The following PCDHA3 variants were observed in gnomAD, a reference collection of about 807,000 sequenced individuals.
PCDHA3 encodes the protein protocadherin alpha 3, also known as protocadherin alpha-3.
A neutral mutation model predicts 62.2 loss-of-function variants in PCDHA3; 41 were observed. That is an observed-to-expected ratio of 0.66 (90% confidence interval 0.51 to 0.86). The LOEUF is 0.86. Among genes scored for constraint, PCDHA3 ranks in the 40% least tolerant of loss-of-function variants. The pLI is 0.00. For synonymous variants in PCDHA3, 640 were observed against 555.4 expected, an observed-to-expected ratio of 1.15 and a Z score of -2.14; for missense variants, 1,304 against 1,241.2, an observed-to-expected ratio of 1.05 and a Z score of -0.76.
intron 1 of PCDHA3, among the ~76,000 whole-genome samples, chr5:140,880,576 A>G (rs1274181037): frequency 6.6e-6 from 1 of 152,216 alleles, no homozygotes; most frequent in African/African-American, 2.4e-5. Flanking sequence ...ATTTGAGAAG[A>G]GAGGAAAGAG....
At chr5:141,006,483 G>T (rs1351534173) in intron 3 of PCDHA3, among the ~76,000 whole-genome samples, 1 of 152,126 alleles carries the variant, frequency 6.6e-6, no homozygotes, top group Non-Finnish European at 1.5e-5. Context: ...AAAGTGCTGG[G>T]ATTACATGTG....
Position 140,803,371 on chromosome 5 carries a change from C to T in PCDHA3, c.2174C>T (p.Ala725Val), listed in dbSNP as rs781949159. 1 of 1,614,202 alleles carries T rather than the reference C, an allele frequency of 6.2e-7. No homozygotes were observed. Among genetic ancestry groups the T allele is most frequent in the Non-Finnish European group, 8.5e-7 (1 of 1,180,028 alleles). ...CTATATACTGCTCTGCGGTGCTCCG[C>T]GCCGCCAACCGAAGGCGACTGTGGG... ...LLLYTALRCS[A>V]PPTEGDCGPG... Residue 725 changes from alanine to valine, a missense_variant, in exon 1 of 4, where the codon GCG becomes GTG. Ala to Val is a moderately conservative substitution (Grantham distance 64, BLOSUM62 0). Coordinates refer to ENST00000522353, the MANE Select transcript of PCDHA3 (RefSeq NM_018906.3).
chr5:140,942,769 T>A (rs1554215212), intron 1 of PCDHA3, among the ~76,000 whole-genome samples: 1 of 152,202 alleles, frequency 6.6e-6, no homozygotes, highest in Non-Finnish European at 1.5e-5. Flanking sequence ...GCATAATGTA[T>A]TTTTAGGCAG....
chr5:140,925,124 A>AGGAAGGAAGGAAGGAAGGAAGG, intron 1 of PCDHA3, among the ~76,000 whole-genome samples: 1 of 151,856 alleles, frequency 6.6e-6, no homozygotes, highest in South Asian at 2.1e-4. Flanking sequence ...GAAGGAAGGA[A>AGGAAGGAAGGAAGGAAGGAAGG]AAAAAATTTC....
intron 1 of PCDHA3, among the ~76,000 whole-genome samples, chr5:140,907,765 T>C (rs901037519): frequency 8.5e-5 from 13 of 152,144 alleles, no homozygotes; most frequent in African/African-American, 3.1e-4. Flanking sequence ...GCCCATTGGG[T>C]GATGACAGGG....
intron 1 of PCDHA3, chr5:140,841,306 G>A (rs2150313155): frequency 3.8e-6 from 6 of 1,579,894 alleles, no homozygotes; most frequent in South Asian, 3.5e-5. Context: ...TTTCTGATAG[G>A]AAACGACTAT....
intron 1 of PCDHA3, chr5:140,810,322 A>G (rs1368356791): frequency 2.0e-5 from 3 of 152,202 alleles, no homozygotes; most frequent in South Asian, 2.1e-4. Flanking sequence ...ATGCCCATGT[A>G]CACAGATTTC....
chr5:140,917,937 T>C (rs2078442259), intron 1 of PCDHA3, among the ~76,000 whole-genome samples: 1 of 152,186 alleles, frequency 6.6e-6, no homozygotes, highest in Non-Finnish European at 1.5e-5. Flanking sequence ...AAAAATAATA[T>C]TGGTAGTTTG....
intron 1 of PCDHA3, chr5:140,968,755 A>G: frequency 6.2e-7 from 1 of 1,614,200 alleles, no homozygotes. Flanking sequence ...TGGTGGTCCG[A>G]GATAATGGAG....
intron 3 of PCDHA3, among the ~76,000 whole-genome samples, chr5:140,992,437 T>G (rs1554252912): frequency 6.6e-6 from 1 of 151,938 alleles, no homozygotes; most frequent in African/African-American, 2.4e-5. Context: ...GTTCCAAGAG[T>G]TGGGAGCAGG....
In PCDHA3 at chr5:141,011,970, C is replaced by T. The variant is rs975637071; in HGVS notation, c.*2033C>T. ...AGCATTAAATTTAAAAAAAAACTGT[C>T]TTGTCTACTTTTAGCTTCATTCTCC... On this transcript the variant is annotated 3_prime_UTR_variant, in exon 4 of 4. Coordinates refer to ENST00000522353, the MANE Select transcript of PCDHA3 (RefSeq NM_018906.3). 6.5e-6 allele frequency: 1 copy of T among 153,576 alleles called. No homozygotes were observed. Among genetic ancestry groups the T allele is most frequent in the African/African-American group, 2.4e-5 (1 of 41,406 alleles). The allele number at this position is 153,576 out of a possible 1,614,324, so 9.5% of individuals were successfully genotyped here.
intron 1 of PCDHA3, among the ~76,000 whole-genome samples, chr5:140,893,701 C>A (rs1297465606): frequency 6.6e-6 from 1 of 152,104 alleles, no homozygotes; most frequent in African/African-American, 2.4e-5. Context: ...TCTATCCTAG[C>A]CTGTAAAGCT....
chr5:140,942,448 A>C (rs140426253), intron 1 of PCDHA3, among the ~76,000 whole-genome samples: 3,563 of 152,146 alleles, frequency 0.023, 50 homozygotes, highest in Middle Eastern at 0.034. Flanking sequence ...CAAGTAAACT[A>C]TCAATTATAA....
At chr5:140,948,857 T>C (rs1554218731) in intron 1 of PCDHA3, among the ~76,000 whole-genome samples, 2 of 151,686 alleles carry the variant, frequency 1.3e-5, no homozygotes. Flanking sequence ...TGCCTTCTTA[T>C]ATTACTTCGG....
At chr5:140,832,778 A>G (rs1554133657) in intron 1 of PCDHA3, among the ~76,000 whole-genome samples, 1 of 152,222 alleles carries the variant, frequency 6.6e-6, no homozygotes, top group Non-Finnish European at 1.5e-5. Flanking sequence ...AAGAGGTGCT[A>G]GAAAGGTACA....
chr5:140,843,082 G>C (rs1265027526), intron 1 of PCDHA3: 3 of 1,595,314 alleles, frequency 1.9e-6, no homozygotes, highest in African/African-American at 1.3e-5. Flanking sequence ...CTGTGGGCGC[G>C]GGCCACGTGG....
At chr5:140,910,911 T>G (rs1326687303) in intron 1 of PCDHA3, among the ~76,000 whole-genome samples, 1 of 152,170 alleles carries the variant, frequency 6.6e-6, no homozygotes, top group African/African-American at 2.4e-5. Context: ...CCTCCAGATT[T>G]TTGCTTATAT....
intron 3 of PCDHA3, among the ~76,000 whole-genome samples, chr5:140,982,794 CAT>C (rs1491349118): frequency 4.0e-5 from 6 of 150,946 alleles, no homozygotes; most frequent in Admixed American, 1.3e-4. Context: ...CGCATGTGTG[CAT>C]GTGTGTGTGT....
At chr5:140,862,493 C>T (rs1554156460) in intron 1 of PCDHA3, 4 of 388,658 alleles carry the variant, frequency 1.0e-5, no homozygotes, top group Admixed American at 3.4e-5. Context: ...GGTAATCGCT[C>T]GGAATGGGGA....
Sources: gnomAD v4.1 joint callset for allele counts (sites outside exome capture counted in the v4.1 genomes callset) on GRCh38, gnomAD v4.1.1 for gene constraint, MANE v1.5 for transcripts, NCBI Gene and HGNC (gene_info 2026-07-23, HGNC 2026-07-21) for gene names.